The following ATP13A3 variants were observed in gnomAD, a reference collection of about 807,000 sequenced individuals.
ATP13A3 encodes the protein polyamine-transporting ATPase 13A3.
Under a neutral mutation model 158.1 loss-of-function variants are expected in ATP13A3, and 59 were observed. The observed-to-expected ratio is 0.37, with a 90% CI of 0.30 to 0.46. The LOEUF (loss-of-function observed/expected upper bound fraction) is 0.46. ATP13A3 is among the 20% of genes least tolerant of loss of function. The pLI is 1.00. For synonymous variants in ATP13A3, 491 were observed against 504.3 expected (o/e 0.97, Z 0.35); for missense variants, 1,166 against 1,525.2 (o/e 0.76, Z 3.92).
chr3:194,440,391 T>C (rs1447228851), intron 16 of ATP13A3, among the ~76,000 whole-genome samples: 3 of 152,248 alleles, frequency 2.0e-5, no homozygotes, highest in African/African-American at 4.8e-5. Context: ...GCTCCACATG[T>C]GCAAGCATGG....
chr3:194,404,123 G>A lies in ATP13A3; in HGVS notation c.*1796C>T. ...GAAATTAATATGGAAATTATAAAAT[G>A]ATCCAGAGAATAAGTAACTATAGAA... On this transcript the variant is annotated 3_prime_UTR_variant, in exon 34 of 34. Coordinates refer to ENST00000645319, the MANE Select transcript of ATP13A3 (RefSeq NM_001367549.1). The A allele has an allele frequency of 2.2e-6, 1 of 451,108 alleles. No homozygotes were observed. Among genetic ancestry groups the A allele is most frequent in the South Asian group, 1.6e-5 (1 of 63,308 alleles). The allele number at this position is 451,108 out of a possible 1,614,324, so 27.9% of individuals were successfully genotyped here.
chr3:194,432,914 C>T, intron 21 of ATP13A3, among the ~76,000 whole-genome samples: 1 of 151,826 alleles, frequency 6.6e-6, no homozygotes, highest in East Asian at 1.9e-4. Flanking sequence ...CAGGAGAATC[C>T]CTTAGATGTA....
chr3:194,449,044 T>TACACACACACAC (rs146993933), intron 11 of ATP13A3, among the ~76,000 whole-genome samples: 2 of 134,892 alleles, frequency 1.5e-5, no homozygotes, highest in Non-Finnish European at 3.3e-5. Flanking sequence ...GATCCACCCC[T>TACACACACACAC]ACACACACAC....
Position 194,410,295 on chromosome 3 carries a change from G to GAA in ATP13A3, c.3573+1903_3573+1904insTT, listed in dbSNP as rs1175574544. On this transcript the variant is annotated intron_variant, in intron 33 of 33. Coordinates refer to ENST00000645319, the MANE Select transcript of ATP13A3 (RefSeq NM_001367549.1). ...GGCAACATGGCAAAACCTCCTCTCTGCAAAAAAAAAAAAAAAAAAAAAAAA... is the reference window on the plus strand; with the variant it reads ...GGCAACATGGCAAAACCTCCTCTCTGAACAAAAAAAAAAAAAAAAAAAAAAAA... 2.2e-3 allele frequency among the ~76,000 whole-genome samples: 5 copies of GAA among 2,288 alleles called. 1 individual carries two copies. The highest frequency in any genetic ancestry group is 0.015 in the Non-Finnish European group (5 of 332). The allele number at this position is 2,288 out of a possible 152,430, so 1.5% of individuals were successfully genotyped here.
At position 194,448,239 on chromosome 3, in the gene ATP13A3, G is replaced by A. The variant is rs559682243; in HGVS notation, c.1150+218C>T. On this transcript the variant is annotated intron_variant, in intron 12 of 33. Coordinates refer to ENST00000645319, the MANE Select transcript of ATP13A3 (RefSeq NM_001367549.1). The surrounding 1 kb of genome is among the most constrained non-coding windows in gnomAD (Gnocchi z 4.0). ...ACTGCAGGCGCCCGCCACCAGGCCC[G>A]GCTAATTTTTTTGTAATTTTGGTAG... 6.6e-6 allele frequency among the ~76,000 whole-genome samples: 1 copy of A among 151,994 alleles called. No homozygotes were observed. The highest frequency in any genetic ancestry group is 1.5e-5 in the Non-Finnish European group (1 of 67,994).
In ATP13A3 at chr3:194,404,076, G is replaced by T. The variant is rs1315139248; in HGVS notation, c.*1843C>A. 2.2e-6 allele frequency: 1 copy of T among 449,974 alleles called. No individual in the cohort carries two copies. Among genetic ancestry groups the T allele is most frequent in the Non-Finnish European group, 4.4e-6 (1 of 225,038 alleles). 27.9% of individuals were successfully genotyped at this position (449,974 alleles called of 1,614,324 possible). A position where few individuals can be genotyped will look rare whatever the true frequency, so the allele number is the denominator to read the frequency against. On this transcript the variant is annotated 3_prime_UTR_variant, in exon 34 of 34. Coordinates refer to ENST00000645319, the MANE Select transcript of ATP13A3 (RefSeq NM_001367549.1). ...AAAATGCACAATTGTGGAAATCACT[G>T]AAGAATAACACGAGCATATTTGAAA...
chr3:194,466,047 A>G (rs1215328418), intron 2 of ATP13A3, among the ~76,000 whole-genome samples: 4 of 152,158 alleles, frequency 2.6e-5, no homozygotes, highest in Admixed American at 6.6e-5. Context: ...GGAAAATACA[A>G]AGTATTCTGA....
rs1004344770 is a variant in ATP13A3 at position 194,457,127 on chromosome 3, C to T, written c.527G>A (p.Ser176Asn). The T allele has an allele frequency of 1.9e-6, 3 of 1,613,476 alleles. No individual in the cohort carries two copies. The highest frequency in any genetic ancestry group is 2.5e-6 in the Non-Finnish European group (3 of 1,179,708). Residue 176 changes from serine (S) to asparagine (N), a missense_variant, in exon 7 of 34, where the codon AGT becomes AAT. Transcript: ENST00000645319. ...ATGCATCCCCTTTGTCAGTCCTGCA[C>T]TATGCTTTTCATAAATTGACGTACA... ...VSCTSIYEKH[S>N]AGLTKGMHAY...
intron 6 of ATP13A3, chr3:194,459,233 T>C: frequency 2.2e-6 from 1 of 462,232 alleles, no homozygotes; most frequent in Non-Finnish European, 3.9e-6. Flanking sequence ...CAGTAGACTT[T>C]GGCATCATAC....
chr3:194,491,495 G>A (rs550189168), upstream of ATP13A3, among the ~76,000 whole-genome samples: 9 of 150,322 alleles, frequency 6.0e-5, no homozygotes, highest in South Asian at 4.2e-4. Flanking sequence ...CTCTCACCTC[G>A]CACGCCCCCT....
chr3:194,483,022 G>T (rs1047726529), intron 2 of ATP13A3, among the ~76,000 whole-genome samples: 1 of 151,402 alleles, frequency 6.6e-6, no homozygotes, highest in African/African-American at 2.4e-5. Flanking sequence ...CAGGAGAATC[G>T]CTTGAACCCA....
chr3:194,471,719 CTACAT>C (rs1293252410), intron 2 of ATP13A3, among the ~76,000 whole-genome samples: 3 of 152,174 alleles, frequency 2.0e-5, no homozygotes, highest in Non-Finnish European at 2.9e-5. Flanking sequence ...AGGTTCTTTA[CTACAT>C]TACAACAGTA....
chr3:194,443,847 A>C (rs932324316), intron 15 of ATP13A3, among the ~76,000 whole-genome samples: 1 of 152,304 alleles, frequency 6.6e-6, no homozygotes, highest in African/African-American at 2.4e-5. Context: ...ATTGAAAAAG[A>C]TTCCTATCCA....
chr3:194,489,187 G>C (rs1439424567), upstream of ATP13A3, among the ~76,000 whole-genome samples: 2 of 152,214 alleles, frequency 1.3e-5, no homozygotes, highest in African/African-American at 4.8e-5. This position sits in a 1 kb window ranked among gnomAD's most constrained non-coding sequence, Gnocchi z 4.1. Context: ...GCTCATGCCT[G>C]TAATCCCAGC....
In ATP13A3 at chr3:194,462,122, A is replaced by G. The variant is rs896183735; in HGVS notation, c.51+18T>C. ...TAAAGTCTTCACACATCACCAGTAAATTAGAACAGCTGGTTACCATTTCAT... is the reference window on the plus strand; with the variant it reads ...TAAAGTCTTCACACATCACCAGTAAGTTAGAACAGCTGGTTACCATTTCAT... On this transcript the variant is annotated intron_variant, in intron 3 of 33. Transcript: ENST00000645319. 4.3e-6 allele frequency: 7 copies of G among 1,611,500 alleles called. No individual in the cohort carries two copies. The Admixed American group carries it at 1.0e-4, about 23-fold the overall frequency.
chr3:194,438,800 A>T, intron 17 of ATP13A3, 56 bp downstream of exon 17: 1 of 1,199,750 alleles, frequency 8.3e-7, no homozygotes, highest in Non-Finnish European at 1.2e-6. Context: ...GAAAAAAATT[A>T]AAAATAAATA....
chr3:194,478,746 T>C (rs77555516), intron 2 of ATP13A3, among the ~76,000 whole-genome samples: 6,566 of 152,266 alleles, frequency 0.043, 203 homozygotes, highest in Non-Finnish European at 0.065. Context: ...CAAGGAGCCA[T>C]ATTCCTGAAG....
intron 10 of ATP13A3, chr3:194,450,871 A>G (rs1316922331): frequency 6.6e-6 from 1 of 152,160 alleles, no homozygotes; most frequent in Non-Finnish European, 1.5e-5. Context: ...TTTCCTTACA[A>G]ATTTTAGTGA....
At position 194,478,282 on chromosome 3, in the gene ATP13A3, A is replaced by G. The variant is rs887293276; in HGVS notation, c.-47+7512T>C. Reference sequence around the variant, plus strand: ...TTTCTAACCTTAAGGAACCACATCTAGTAGGCTAGACAAATAAGTAAGCAA... The same window carrying G: ...TTTCTAACCTTAAGGAACCACATCTGGTAGGCTAGACAAATAAGTAAGCAA... On this transcript the variant is annotated intron_variant, in intron 2 of 33. Coordinates refer to ENST00000645319, the MANE Select transcript of ATP13A3 (RefSeq NM_001367549.1). Among the ~76,000 whole-genome samples, 4 of 151,898 alleles carry G rather than the reference A, an allele frequency of 2.6e-5. No individual in the cohort carries two copies. In the East Asian group the frequency reaches 7.7e-4, roughly 29 times the overall value.
Sources: allele counts gnomAD v4.1 joint callset (sites outside exome capture counted in the v4.1 genomes callset), GRCh38; gene constraint gnomAD v4.1.1; non-coding constraint Gnocchi (gnomAD v3.1); transcripts MANE v1.5; gene names NCBI Gene and HGNC (gene_info 2026-07-23, HGNC 2026-07-21).